HUWE1: variants seen among roughly 807,000 people sequenced by gnomAD.
The protein encoded by HUWE1 is HECT, UBA and WWE domain containing E3 ubiquitin protein ligase 1, also known as E3 ubiquitin-protein ligase HUWE1.
HUWE1 carries 18 observed loss-of-function variants against 299.4 expected under a neutral mutation model. The observed-to-expected ratio is 0.06, with a 90% confidence interval of 0.04 to 0.09. The LOEUF (loss-of-function observed/expected upper bound fraction) is 0.09, where lower values mean the gene tolerates loss of function less well. HUWE1 is among the 10% of genes least tolerant of loss of function. The probability of loss-of-function intolerance (pLI) is 1.00; values close to 1 mark genes in which losing one functional copy is unlikely to be tolerated. For synonymous variants in HUWE1, 1,317 were observed against 1,286.1 expected (o/e 1.02, Z -0.51); for missense variants, 1,832 against 3,462.3 (o/e 0.53, Z 11.82).
chrX:53,597,333 G>GA lies in HUWE1; in HGVS notation c.3164-1931dup, dbSNP rs78456710. Reference sequence around the variant, plus strand: ...CAGACAAAAGTGCCCTACTTTGAAGGAAAAAAAAAAAAAGGCCACAAAGGA... The same window carrying GA: ...CAGACAAAAGTGCCCTACTTTGAAGGAAAAAAAAAAAAAAGGCCACAAAGGA... On this transcript the variant is annotated intron_variant, in intron 29 of 83. Coordinates refer to ENST00000262854, the MANE Select transcript of HUWE1 (RefSeq NM_031407.7). 8.9e-4 allele frequency among the ~76,000 whole-genome samples: 81 copies of GA among 90,661 alleles called. No homozygotes were observed. In the South Asian group the frequency reaches 0.011, roughly 12 times the overall value. The allele number at this position is 90,661 out of a possible 115,157, so 78.7% of individuals were successfully genotyped here. A position where few individuals can be genotyped will look rare whatever the true frequency, so the allele number is the denominator to read the frequency against.
Position 53,663,650 on chromosome X carries a change from C to A in HUWE1, c.-24-9519G>T, listed in dbSNP as rs150056034. On this transcript the variant is annotated intron_variant, in intron 3 of 83. Coordinates refer to ENST00000262854, the MANE Select transcript of HUWE1 (RefSeq NM_031407.7). ...AAACTGTCTTGAAAAGACGGAGTAA[C>A]TGTAAGAATCCCTTTGAAAATTGGG... Among the ~76,000 whole-genome samples the A allele has an allele frequency of 1.9e-3, 217 of 111,539 alleles. 1 individual carries two copies. The highest frequency in any genetic ancestry group is 6.8e-3 in the African/African-American group (208 of 30,728).
At chrX:53,621,958 G>T (rs1557012736) in intron 19 of HUWE1, among the ~76,000 whole-genome samples, 1 of 112,270 alleles carries the variant, frequency 8.9e-6, no homozygotes, top group East Asian at 2.8e-4. Context: ...AAGGCAGGAG[G>T]TGAGAAAGAA....
chrX:53,558,272 G>C (rs1180167568), intron 59 of HUWE1, among the ~76,000 whole-genome samples: 9 of 111,696 alleles, frequency 8.1e-5, no homozygotes, highest in Non-Finnish European at 3.8e-5. Context: ...ACGGAATGGG[G>C]TCATCTCGGT....
intron 61 of HUWE1, among the ~76,000 whole-genome samples, chrX:53,553,575 C>T (rs1190512564): frequency 6.5e-5 from 7 of 107,112 alleles, no homozygotes; most frequent in African/African-American, 1.7e-4. Context: ...TTTGGGAGGC[C>T]GAGGCGGGTG....
intron 2 of HUWE1, chrX:53,683,910 C>T (rs2070332254): frequency 7.7e-6 from 2 of 259,554 alleles, no homozygotes; most frequent in East Asian, 1.1e-4. Flanking sequence ...AGGACGTAAC[C>T]CTGCTCCCGC....
At chrX:53,685,870 C>A (rs2070411347) in intron 2 of HUWE1, among the ~76,000 whole-genome samples, 1 of 111,945 alleles carries the variant, frequency 8.9e-6, no homozygotes, top group Non-Finnish European at 1.9e-5. Context: ...CAAACCCATT[C>A]ATTATGGCAT....
At chrX:53,670,333 A>C (rs782695590) in intron 3 of HUWE1, among the ~76,000 whole-genome samples, 1 of 111,993 alleles carries the variant, frequency 8.9e-6, no homozygotes, top group African/African-American at 3.2e-5. Flanking sequence ...TTTTAAGGAG[A>C]GATAAAACAT....
chrX:53,604,220 A>C (rs1190663896), intron 26 of HUWE1, among the ~76,000 whole-genome samples: 2 of 111,912 alleles, frequency 1.8e-5, no homozygotes, highest in Non-Finnish European at 3.8e-5. Context: ...TATGTAGAAA[A>C]TTTTTAGTAA....
intron 25 of HUWE1, 28 bp downstream of exon 25, chrX:53,607,495 T>C: frequency 8.4e-7 from 1 of 1,193,966 alleles, no homozygotes; most frequent in Non-Finnish European, 1.1e-6. Flanking sequence ...CAGAAAGAAA[T>C]GAAAACATTT....
At chrX:53,682,759 G>A (rs900473281) in intron 2 of HUWE1, among the ~76,000 whole-genome samples, 28 of 111,313 alleles carry the variant, frequency 2.5e-4, no homozygotes, top group African/African-American at 9.2e-4. Context: ...CTCAGAGCAA[G>A]GCAGGGAAAA....
intron 3 of HUWE1, among the ~76,000 whole-genome samples, chrX:53,663,176 A>T (rs1467814210): frequency 5.3e-5 from 6 of 112,273 alleles, no homozygotes; most frequent in African/African-American, 1.9e-4. Context: ...CAGGGAATCA[A>T]TGGAAAGTGA....
At chrX:53,536,298 G>T (rs782340208) in intron 79 of HUWE1, 46 bp from the exon 80 acceptor site, 28 of 1,147,654 alleles carry the variant, frequency 2.4e-5, no homozygotes, top group East Asian at 6.0e-5. Flanking sequence ...GAGTGGGGGG[G>T]AAGAAGGAGC....
At chrX:53,677,839 A>G (rs2069910361) in intron 3 of HUWE1, among the ~76,000 whole-genome samples, 1 of 111,622 alleles carries the variant, frequency 9.0e-6, no homozygotes, top group Non-Finnish European at 1.9e-5. Flanking sequence ...TCATGACAGT[A>G]TCCTCAGACT....
intron 42 of HUWE1, among the ~76,000 whole-genome samples, chrX:53,581,632 T>C (rs1556967813): frequency 8.9e-6 from 1 of 111,912 alleles, no homozygotes; most frequent in Non-Finnish European, 1.9e-5. Flanking sequence ...ACAAACTACA[T>C]GCTCACAATG....
At chrX:53,544,941 GAAAT>G in intron 71 of HUWE1, 84 bp downstream of exon 71, 2 of 1,067,354 alleles carry the variant, frequency 1.9e-6, no homozygotes, top group Non-Finnish European at 2.6e-6. Context: ...ATCACCCAGA[GAAAT>G]AAAAAAGACC....
chrX:53,578,627 G>A (rs782360475), intron 43 of HUWE1, among the ~76,000 whole-genome samples: 140 of 95,814 alleles, frequency 1.5e-3, no homozygotes, highest in African/African-American at 5.4e-3. Flanking sequence ...CGGGAGGGAG[G>A]TGGGGGAGTC....
At chrX:53,561,674 G>A (rs2062301225) in intron 55 of HUWE1, 82 bp downstream of exon 55, 7 of 1,189,500 alleles carry the variant, frequency 5.9e-6, no homozygotes, top group African/African-American at 5.3e-5. Context: ...GTATCGGATC[G>A]GTTTGGTCCA....
At chrX:53,668,190 T>C (rs782107167) in intron 3 of HUWE1, among the ~76,000 whole-genome samples, 67 of 110,371 alleles carry the variant, frequency 6.1e-4, no homozygotes, top group African/African-American at 2.1e-3. Context: ...ACCCCTATAA[T>C]CCTAGCACTT....
intron 73 of HUWE1, among the ~76,000 whole-genome samples, chrX:53,543,556 C>G (rs1311593969): frequency 9.0e-6 from 1 of 111,323 alleles, no homozygotes; most frequent in Non-Finnish European, 1.9e-5. Flanking sequence ...CATAACCCCT[C>G]AGAACCCAGA....
Sources: allele counts gnomAD v4.1 joint callset (sites outside exome capture counted in the v4.1 genomes callset), GRCh38; gene constraint gnomAD v4.1.1; transcripts MANE v1.5; gene names NCBI Gene and HGNC (gene_info 2026-07-23, HGNC 2026-07-21).